The following CBLB variants were observed in gnomAD, a reference collection of about 807,000 sequenced individuals.
CBLB encodes E3 ubiquitin-protein ligase CBL-B.
In CBLB, 31 loss-of-function variants were observed where a neutral mutation model predicts 104.9. That is an observed-to-expected ratio of 0.30 (90% CI 0.22 to 0.40). The LOEUF is 0.40. Ranked by LOEUF, CBLB falls within the 10% of genes least tolerant of loss-of-function variation. The pLI is 1.00. For missense variants in CBLB, 1,062 were observed against 1,214.6 expected (o/e 0.87, Z 1.87); for synonymous variants, 440 against 422.6 (o/e 1.04, Z -0.51).
intron 18 of CBLB, among the ~76,000 whole-genome samples, chr3:105,664,807 T>C (rs2064189274): frequency 1.3e-5 from 2 of 152,204 alleles, no homozygotes; most frequent in Non-Finnish European, 2.9e-5. Context: ...TTGAAATTTC[T>C]AGTACAGTTT....
intron 3 of CBLB, among the ~76,000 whole-genome samples, chr3:105,811,136 T>C (rs542794574): frequency 1.6e-4 from 25 of 152,318 alleles, no homozygotes; most frequent in Non-Finnish European, 3.1e-4. Flanking sequence ...CCCTGAATAG[T>C]AGAGAAGTCC....
In CBLB at chr3:105,685,369, A is replaced by G; in HGVS notation, c.2152T>C (p.Ser718Pro). ...EYKIPSSHPVSLNSQPSHCHN... is the reference protein window; with the variant it reads ...EYKIPSSHPVPLNSQPSHCHN... ...CAATGAGATGGTTGTGAATTCAGGGAAACAGGGTGGGATGAAGGAATCTTG... is the reference window on the plus strand; with the variant it reads ...CAATGAGATGGTTGTGAATTCAGGGGAACAGGGTGGGATGAAGGAATCTTG... The change falls in exon 14 of 19, where the codon TCC becomes CCC. Residue 718 changes from serine to proline, a missense_variant. Transcript: ENST00000394030. 1.9e-6 allele frequency: 3 copies of G among 1,613,766 alleles called. No individual in the cohort carries two copies. The highest frequency in any genetic ancestry group is 2.5e-6 in the Non-Finnish European group (3 of 1,179,730).
At chr3:105,685,698 G>C (rs1371767536) in intron 13 of CBLB, among the ~76,000 whole-genome samples, 1 of 152,076 alleles carries the variant, frequency 6.6e-6, no homozygotes, top group African/African-American at 2.4e-5. Context: ...ATTTTAAATG[G>C]CACAATAGGA....
intron 12 of CBLB, among the ~76,000 whole-genome samples, chr3:105,695,001 T>C (rs2068153813): frequency 6.6e-6 from 1 of 151,962 alleles, no homozygotes; most frequent in Non-Finnish European, 1.5e-5. Context: ...CAAACACACA[T>C]ATCAAACCAC....
At chr3:105,750,474 AAAT>A (rs1277240631) in intron 5 of CBLB, among the ~76,000 whole-genome samples, 15 of 152,240 alleles carry the variant, frequency 9.9e-5, no homozygotes, top group African/African-American at 3.4e-4. Flanking sequence ...AAATGATAAA[AAAT>A]AATATCAGAA....
At chr3:105,706,592 C>T (rs919829958) in intron 10 of CBLB, among the ~76,000 whole-genome samples, 7 of 152,118 alleles carry the variant, frequency 4.6e-5, no homozygotes, top group Admixed American at 6.5e-5. Context: ...TGCATCACAG[C>T]ATCTTGACAC....
chr3:105,868,376 G>A (rs1356988644), intron 1 of CBLB: 6 of 447,446 alleles, frequency 1.3e-5, no homozygotes, highest in African/African-American at 1.0e-4. Context: ...GCCCCTTCCC[G>A]GCCCCTCGGG....
In CBLB at chr3:105,853,549, T is replaced by A. The variant is rs1198449925; in HGVS notation, c.284A>T (p.Asn95Ile). The change falls in exon 3 of 19, where the codon AAC (asparagine) becomes ATC (isoleucine). Residue 95 changes from asparagine to isoleucine, a missense_variant. This residue lies in a region of CBLB where 457 missense variants were observed against 632.0 expected (regional missense o/e 0.72). Transcript: ENST00000394030. ...CTCACTGAGTTGGGCAAGTTTCTGG[T>A]TGTCATCATATTTACTCAATATAAG... Reference protein sequence around the residue: ...LRLILSKYDDNQKLAQLSENE... With the variant: ...LRLILSKYDDIQKLAQLSENE... 1 of 1,613,698 alleles carries A rather than the reference T, an allele frequency of 6.2e-7. No homozygotes were observed. Among genetic ancestry groups the A allele is most frequent in the Non-Finnish European group, 8.5e-7 (1 of 1,179,752 alleles).
intron 3 of CBLB, among the ~76,000 whole-genome samples, chr3:105,806,905 AT>A (rs959756801): frequency 6.6e-6 from 1 of 152,180 alleles, no homozygotes; most frequent in African/African-American, 2.4e-5. Context: ...ACTTAAAAAA[AT>A]TTTTTAAGCA....
intron 4 of CBLB, among the ~76,000 whole-genome samples, chr3:105,772,850 A>T (rs535459875): frequency 6.6e-6 from 1 of 152,360 alleles, no homozygotes; most frequent in African/African-American, 2.4e-5. Flanking sequence ...GACCATAATT[A>T]AAAACAATAG....
chr3:105,733,486 C>T (rs1177668849), intron 9 of CBLB, among the ~76,000 whole-genome samples: 1 of 152,064 alleles, frequency 6.6e-6, no homozygotes, highest in African/African-American at 2.4e-5. Flanking sequence ...TGAGATTATG[C>T]TTCAGTAAAT....
chr3:105,670,272 T>C lies in CBLB; in HGVS notation c.2650A>G (p.Arg884Gly). 1 of 1,613,204 alleles carries C rather than the reference T, an allele frequency of 6.2e-7. No homozygotes were observed. Among genetic ancestry groups the C allele is most frequent in the Non-Finnish European group, 8.5e-7 (1 of 1,179,314 alleles). ...AGCTGATCATAGTCCTGTGATGTTCTGTTAGTTTTGACATTTTCACCTGGT... is the reference window on the plus strand; with the variant it reads ...AGCTGATCATAGTCCTGTGATGTTCCGTTAGTTTTGACATTTTCACCTGGT... ...RLPGENVKTN[R>G]TSQDYDQLPS... The change falls in exon 18 of 19, where the codon AGA (arginine) becomes GGA (glycine). Residue 884 changes from arginine (R) to glycine (G), a missense_variant. By Grantham distance (125) the Arg-to-Gly change is moderately radical. Coordinates refer to ENST00000394030, the MANE Select transcript of CBLB (RefSeq NM_170662.5).
intron 3 of CBLB, among the ~76,000 whole-genome samples, chr3:105,830,179 T>C (rs1386336301): frequency 6.6e-6 from 1 of 152,156 alleles, no homozygotes; most frequent in African/African-American, 2.4e-5. Flanking sequence ...CAGGGTATCG[T>C]TACCTTACAA....
chr3:105,781,109 A>G (rs895254175), intron 3 of CBLB, among the ~76,000 whole-genome samples: 1 of 152,212 alleles, frequency 6.6e-6, no homozygotes, highest in African/African-American at 2.4e-5. Context: ...AGGAGGGAGA[A>G]GAGCTACATT....
upstream of CBLB, chr3:105,869,428 C>T: frequency 1.5e-6 from 2 of 1,326,322 alleles, no homozygotes; most frequent in Non-Finnish European, 2.0e-6. Flanking sequence ...CGCTTACCTT[C>T]CTAGTCTTTT....
chr3:105,836,529 G>A (rs1394966388), intron 3 of CBLB, among the ~76,000 whole-genome samples: 7 of 152,120 alleles, frequency 4.6e-5, no homozygotes, highest in Non-Finnish European at 8.8e-5. Context: ...TCTTAGGGCT[G>A]GGTTTTGACC....
In CBLB at chr3:105,702,269, G is replaced by T. The variant is rs765636039; in HGVS notation, c.1784C>A (p.Pro595His). 2 of 1,613,956 alleles carry T rather than the reference G, an allele frequency of 1.2e-6. No homozygotes were observed. The highest frequency in any genetic ancestry group is 4.5e-5 in the East Asian group (2 of 44,864). ...CTGATTAGTCCCAAACACATCCCGA[G>T]GGCACCATGCTTCAAGAGGCATTGG... is the stretch of plus-strand genomic sequence containing the variant. The part of the protein sequence containing the change: ...DPPMPLEAWC[P>H]RDVFGTNQLV... Residue 595 changes from proline (P) to histidine (H), a missense_variant, in exon 12 of 19, where the codon CCT becomes CAT. Around this residue, in one of 2 missense-constraint regions of CBLB, gnomAD observed 605 missense variants for 582.6 expected, o/e 1.04. Coordinates refer to ENST00000394030, the MANE Select transcript of CBLB (RefSeq NM_170662.5).
chr3:105,864,022 GA>G (rs1313296887), intron 2 of CBLB, among the ~76,000 whole-genome samples: 1 of 152,096 alleles, frequency 6.6e-6, no homozygotes, highest in African/African-American at 2.4e-5. Context: ...CAACCATACT[GA>G]TTAGTAATCA....
intron 3 of CBLB, 129 bp from the exon 4 acceptor site, chr3:105,776,671 G>A (rs2079513603): frequency 1.1e-5 from 9 of 831,044 alleles, no homozygotes; most frequent in South Asian, 3.3e-5. Flanking sequence ...GGTTGATCAC[G>A]AAAACCTCAA....
Sources: gnomAD v4.1 joint callset for allele counts (sites outside exome capture counted in the v4.1 genomes callset) on GRCh38, gnomAD v4.1.1 for gene constraint, gnomAD v4.1.1 regional missense constraint, MANE v1.5 for transcripts, NCBI Gene and HGNC (gene_info 2026-07-23, HGNC 2026-07-21) for gene names.